PLPPR1: variants seen among roughly 807,000 people sequenced by gnomAD.
PLPPR1 encodes the protein phospholipid phosphatase related 1.
In PLPPR1, 10 loss-of-function variants were observed where a neutral mutation model predicts 33.1. The observed-to-expected ratio is 0.30, with a 90% CI of 0.19 to 0.51. The LOEUF (loss-of-function observed/expected upper bound fraction) is 0.51, where lower values mean the gene tolerates loss of function less well. PLPPR1 is among the 20% of genes least tolerant of loss of function. The pLI is 0.97. For missense variants in PLPPR1, 304 were observed against 408.1 expected (o/e 0.74, Z 2.20); for synonymous variants, 151 against 151.0 (o/e 1.00, Z 0.00).
chr9:101,172,007 C>T (rs1286508891), intron 1 of PLPPR1, among the ~76,000 whole-genome samples: 1 of 152,070 alleles, frequency 6.6e-6, no homozygotes, highest in Non-Finnish European at 1.5e-5. Context: ...TCCTTTTCTA[C>T]TCCAACTGCC....
intron 1 of PLPPR1, among the ~76,000 whole-genome samples, chr9:101,107,943 C>G (rs967526580): frequency 4.6e-5 from 7 of 150,876 alleles, no homozygotes; most frequent in South Asian, 2.1e-4. Flanking sequence ...TTCTTTGACT[C>G]GGAAAGGGAA....
intron 1 of PLPPR1, among the ~76,000 whole-genome samples, chr9:101,162,180 T>A (rs893201199): frequency 1.1e-4 from 17 of 152,082 alleles, no homozygotes; most frequent in Non-Finnish European, 1.9e-4. Context: ...TGTTATATCA[T>A]ATGGTACTGG....
At chr9:101,188,199 GT>G (rs1826236010) in intron 2 of PLPPR1, among the ~76,000 whole-genome samples, 1 of 151,968 alleles carries the variant, frequency 6.6e-6, no homozygotes. Flanking sequence ...TGTCATAAAT[GT>G]TTTTGCAGAA....
intron 4 of PLPPR1, among the ~76,000 whole-genome samples, chr9:101,302,989 T>C (rs942849316): frequency 2.6e-5 from 4 of 152,194 alleles, no homozygotes; most frequent in Admixed American, 6.5e-5. Flanking sequence ...TTGTTGTTAT[T>C]TTGTTTTTGT....
chr9:101,043,363 A>G (rs911308534), intron 1 of PLPPR1, among the ~76,000 whole-genome samples: 3 of 151,516 alleles, frequency 2.0e-5, no homozygotes, highest in African/African-American at 7.3e-5. Flanking sequence ...ATGTGTATGT[A>G]TATACATATG....
Position 101,111,990 on chromosome 9 carries a change from A to G in PLPPR1, c.-45-73460A>G, listed in dbSNP as rs116016265. ...CCTCACCTCCTCCCTTCCCAACCAC[A>G]TAATGTGCTTTATTTAAACAAATTG... On this transcript the variant is annotated intron_variant, in intron 1 of 7. Coordinates refer to ENST00000374874, the MANE Select transcript of PLPPR1 (RefSeq NM_207299.2). Among the ~76,000 whole-genome samples, 1,359 of 152,302 alleles carry G rather than the reference A, an allele frequency of 8.9e-3. 13 individuals carry two copies. Among genetic ancestry groups the G allele is most frequent in the African/African-American group, 0.031 (1,304 of 41,564 alleles).
chr9:101,292,173 C>T (rs1374101250), intron 4 of PLPPR1, among the ~76,000 whole-genome samples: 1 of 151,984 alleles, frequency 6.6e-6, no homozygotes, highest in Non-Finnish European at 1.5e-5. Flanking sequence ...ACGCAATCAA[C>T]TGGAAGAAAG....
At chr9:101,281,065 T>G (rs1347536430) in intron 3 of PLPPR1, among the ~76,000 whole-genome samples, 1 of 149,952 alleles carries the variant, frequency 6.7e-6, no homozygotes, top group African/African-American at 2.5e-5. Flanking sequence ...ATACATAAAT[T>G]CAATAAAATT....
At chr9:101,268,415 T>C (rs1017722297) in intron 2 of PLPPR1, among the ~76,000 whole-genome samples, 2 of 152,188 alleles carry the variant, frequency 1.3e-5, no homozygotes, top group Admixed American at 6.5e-5. Context: ...AAGGCTGTGC[T>C]TCAATGCTGT....
intron 2 of PLPPR1, among the ~76,000 whole-genome samples, chr9:101,227,497 G>A (rs76691618): frequency 0.012 from 1,825 of 151,594 alleles, 27 homozygotes; most frequent in African/African-American, 0.04. Context: ...CTTTTTAATG[G>A]GGTTTTTTTC....
chr9:101,044,508 T>C (rs1830121843), intron 1 of PLPPR1, among the ~76,000 whole-genome samples: 1 of 152,210 alleles, frequency 6.6e-6, no homozygotes, highest in East Asian at 1.9e-4. Flanking sequence ...GCTTCATTTG[T>C]AAAATGAAGA....
At chr9:101,107,961 AC>A (rs1218785922) in intron 1 of PLPPR1, among the ~76,000 whole-genome samples, 2 of 150,160 alleles carry the variant, frequency 1.3e-5, no homozygotes, top group Non-Finnish European at 3.0e-5. Flanking sequence ...GAACTCCCTG[AC>A]CCCTTGCGCT....
chr9:101,085,305 A>G (rs10989390), intron 1 of PLPPR1, among the ~76,000 whole-genome samples: 3,845 of 152,272 alleles, frequency 0.025, 83 homozygotes, highest in East Asian at 0.081. Flanking sequence ...AAAAAAAGAT[A>G]CTCTAGAATA....
intron 1 of PLPPR1, among the ~76,000 whole-genome samples, chr9:101,076,674 T>C (rs966037908): frequency 1.3e-4 from 20 of 152,342 alleles, no homozygotes; most frequent in Admixed American, 1.1e-3. Context: ...AAATAAACAA[T>C]TGACTTTAGC....
intron 1 of PLPPR1, among the ~76,000 whole-genome samples, chr9:101,178,256 G>C (rs1268044582): frequency 6.6e-6 from 1 of 152,190 alleles, no homozygotes; most frequent in African/African-American, 2.4e-5. Context: ...TCAGCATCAT[G>C]GACTTCCACT....
In PLPPR1 at chr9:101,195,832, C is replaced by T. The variant is rs112874251; in HGVS notation, c.63+10275C>T. On this transcript the variant is annotated intron_variant, in intron 2 of 7. Transcript: ENST00000374874. ...AGAATTAGCATTACAGTACTTTAAA[C>T]CAAGCATTCTTCATAACGTTGAATG... 5.6e-3 allele frequency among the ~76,000 whole-genome samples: 856 copies of T among 152,282 alleles called. 3 individuals are homozygous for T. The highest frequency in any genetic ancestry group is 9.4e-3 in the Admixed American group (144 of 15,300).
At chr9:101,121,617 T>G (rs1831179449) in intron 1 of PLPPR1, among the ~76,000 whole-genome samples, 1 of 152,212 alleles carries the variant, frequency 6.6e-6, no homozygotes, top group Non-Finnish European at 1.5e-5. Context: ...TTAGCTTCAT[T>G]CTACATTCAC....
intron 1 of PLPPR1, among the ~76,000 whole-genome samples, chr9:101,061,104 G>C (rs922486503): frequency 6.6e-6 from 1 of 151,836 alleles, no homozygotes; most frequent in South Asian, 2.1e-4. Flanking sequence ...ATTATACCCT[G>C]ATTGGGCCTG....
intron 1 of PLPPR1, among the ~76,000 whole-genome samples, chr9:101,042,138 G>A (rs947814189): frequency 6.6e-6 from 1 of 152,152 alleles, no homozygotes; most frequent in Non-Finnish European, 1.5e-5. Flanking sequence ...CAAGTTTAAA[G>A]TCACTAGAGG....
Sources: allele counts gnomAD v4.1 joint callset (sites outside exome capture counted in the v4.1 genomes callset), GRCh38; gene constraint gnomAD v4.1.1; transcripts MANE v1.5; gene names NCBI Gene and HGNC (gene_info 2026-07-23, HGNC 2026-07-21).